The following ZNF701 variants were observed in gnomAD, a reference collection of about 807,000 sequenced individuals.
ZNF701 encodes zinc finger protein 701.
A neutral mutation model predicts 7.1 loss-of-function variants in ZNF701; 6 were observed. The ratio of observed to expected loss-of-function variants is 0.84; its 90% confidence interval spans 0.46 to 1.66. ZNF701 has a LOEUF of 1.66. ZNF701 is among the 40% of genes most tolerant of loss of function. ZNF701 has a pLI of 0.01. For synonymous variants in ZNF701, 166 were observed against 188.2 expected (o/e 0.88, Z 0.97); for missense variants, 541 against 559.2 (o/e 0.97, Z 0.33).
chr19:52,582,687 A>C lies in ZNF701; in HGVS notation c.628A>C (p.Thr210Pro), dbSNP rs1221501274. 7 of 1,614,198 alleles carry C rather than the reference A, an allele frequency of 4.3e-6. No homozygotes were observed. The highest frequency in any genetic ancestry group is 5.1e-6 in the Non-Finnish European group (6 of 1,180,020). The change falls in exon 4 of 4, where the codon ACA (threonine) becomes CCA (proline). Residue 210 changes from threonine (T) to proline (P), a missense_variant. Coordinates refer to ENST00000391785, the MANE Select transcript of ZNF701 (RefSeq NM_018260.3). The stretch of plus-strand genomic sequence containing the variant: ...ACTCACACAAAAACGGGAAGTACAC[A>C]CAAGAGAAAAATCTTTCCAACGTAA... ...SLLTQKREVH[T>P]REKSFQRNES...
rs528194231 is a variant in ZNF701 at position 52,580,558 on chromosome 19, A to G, written c.143-1644A>G. ...ATTCTTATTCCTTATAGTGCTGTGTATAGTTTTGACCTCATACATCAGAAA... is the reference window on the plus strand; with the variant it reads ...ATTCTTATTCCTTATAGTGCTGTGTGTAGTTTTGACCTCATACATCAGAAA... On this transcript the variant is annotated intron_variant, in intron 3 of 3. Transcript: ENST00000391785. Among the ~76,000 whole-genome samples the G allele has an allele frequency of 2.0e-5, 3 of 152,214 alleles. No individual in the cohort carries two copies. The South Asian group carries it at 6.2e-4, about 32-fold the overall frequency.
At chr19:52,595,930 CAT>C in the ZNF701 span, 80 of 1,612,732 alleles carry the variant, frequency 5.0e-5, no homozygotes, top group African/African-American at 6.4e-4. Context: ...CTGAACTCCA[CAT>C]GTTTCAGACC....
chr19:52,570,649 C>T (rs1344225426), intron 1 of ZNF701: 1 of 152,274 alleles, frequency 6.6e-6, no homozygotes. Flanking sequence ...TGTATTTCCG[C>T]CTGGGCGCCT....
Position 52,583,320 on chromosome 19 carries a change from C to A in ZNF701, c.1261C>A (p.His421Asn). The change falls in exon 4 of 4, where the codon CAC becomes AAC. Residue 421 changes from histidine (H) to asparagine (N), a missense_variant. Coordinates refer to ENST00000391785, the MANE Select transcript of ZNF701 (RefSeq NM_018260.3). ...KCNECGKVFN[H>N]KSNLACHRRL... is the part of the protein sequence containing the mutation. Reference sequence around the variant, plus strand: ...TAATGAATGTGGCAAGGTTTTTAATCACAAATCAAACCTTGCATGTCATCG... The same window carrying A: ...TAATGAATGTGGCAAGGTTTTTAATAACAAATCAAACCTTGCATGTCATCG... 6.2e-7 allele frequency: 1 copy of A among 1,604,930 alleles called. No individual in the cohort carries two copies. Among genetic ancestry groups the A allele is most frequent in the African/African-American group, 1.3e-5 (1 of 74,962 alleles).
rs943867502 is a variant in ZNF701 at position 52,584,953 on chromosome 19, T to C, written c.*1496T>C. 1 of 152,340 alleles carries C rather than the reference T, an allele frequency of 6.6e-6. No homozygotes were observed. Among genetic ancestry groups the C allele is most frequent in the African/African-American group, 2.4e-5 (1 of 41,476 alleles). 9.4% of individuals were successfully genotyped at this position (152,340 alleles called of 1,614,324 possible). ...AGACCCGGAAGCTGATGGCATGGAC[T>C]GAAGGTTGCCCCGTTGAGTTTGCGC... On this transcript the variant is annotated 3_prime_UTR_variant, in exon 4 of 4. Coordinates refer to ENST00000391785, the MANE Select transcript of ZNF701 (RefSeq NM_018260.3).
chr19:52,588,116 C>T (rs2060022310), downstream of ZNF701, among the ~76,000 whole-genome samples: 1 of 152,114 alleles, frequency 6.6e-6, no homozygotes, highest in Non-Finnish European at 1.5e-5. Flanking sequence ...CAGTGGGCAG[C>T]AGAGGACCAT....
intron 3 of ZNF701, 82 bp downstream of exon 3, chr19:52,576,103 TC>T (rs368936090): frequency 3.7e-6 from 6 of 1,602,098 alleles, no homozygotes; most frequent in Middle Eastern, 1.7e-4. Flanking sequence ...GGGAGCCACA[TC>T]CTTGCTTGGC....
At chr19:52,575,186 G>C (rs980805291) in intron 2 of ZNF701, among the ~76,000 whole-genome samples, 2 of 152,046 alleles carry the variant, frequency 1.3e-5, no homozygotes, top group East Asian at 3.9e-4. Flanking sequence ...AGCCAGGATG[G>C]TCTCGATCTC....
chr19:52,583,965 A>G lies in ZNF701; in HGVS notation c.*508A>G, dbSNP rs1365785303. 6 of 412,044 alleles carry G rather than the reference A, an allele frequency of 1.5e-5. No homozygotes were observed. Among genetic ancestry groups the G allele is most frequent in the Non-Finnish European group, 2.9e-5 (6 of 203,710 alleles). The allele number at this position is 412,044 out of a possible 1,614,324, so 25.5% of individuals were successfully genotyped here. ...ACAGGAGAGAAATCTTACAAATGTG[A>G]TGATTGTGGCAAGGTCTTCAGTCAA... On this transcript the variant is annotated 3_prime_UTR_variant, in exon 4 of 4. Coordinates refer to ENST00000391785, the MANE Select transcript of ZNF701 (RefSeq NM_018260.3).
the ZNF701 span, chr19:52,596,057 T>A: frequency 7.6e-7 from 1 of 1,313,192 alleles, no homozygotes; most frequent in Non-Finnish European, 1.1e-6. Context: ...TGGGAAGAAT[T>A]TCCTCTATTC....
Position 52,583,091 on chromosome 19 carries a change from T to C in ZNF701, c.1032T>C (p.His344=), listed in dbSNP as rs1297525652. Residue 344 remains histidine, a synonymous_variant, in exon 4 of 4, where the codon CAT becomes CAC. Transcript: ENST00000391785. ...GTCGCAAATCACACCTTGAAAGACA[T>C]AGGAGAATTCACACTGGAGAGAAAC... ...VFSRKSHLER[H]RRIHTGEKPY... is the part of the protein sequence containing the mutation. 2 of 1,612,984 alleles carry C rather than the reference T, an allele frequency of 1.2e-6. No individual in the cohort carries two copies. Among genetic ancestry groups the C allele is most frequent in the Non-Finnish European group, 1.7e-6 (2 of 1,179,418 alleles).
chr19:52,593,333 T>C, the ZNF701 span, among the ~76,000 whole-genome samples: 1 of 117,262 alleles, frequency 8.5e-6, no homozygotes, highest in Non-Finnish European at 1.9e-5. Context: ...GCAGAGGGGC[T>C]CCTCACTTCC....
In ZNF701 at chr19:52,576,112, G is replaced by T; in HGVS notation, c.142+91G>T. The T allele has an allele frequency of 7.5e-6, 12 of 1,597,606 alleles. No homozygotes were observed. In the Admixed American group the frequency reaches 2.2e-4, roughly 29 times the overall value. On this transcript the variant is annotated intron_variant, in intron 3 of 3. Transcript: ENST00000391785. ...CCTCTTGGGAGCCACATCCTTGCTT[G>T]GCTAAAATGGAAGCCGTATTGAGTT...
At position 52,570,309 on chromosome 19, in the gene ZNF701, G is replaced by C. The variant is rs919442453; in HGVS notation, c.-93G>C. On this transcript the variant is annotated 5_prime_UTR_variant, in exon 1 of 4. Transcript: ENST00000391785. ...CGCAGACCAGGAAGCGGATCCCGTG[G>C]AGTGAAGGTCGCACCGCGGCGGTGA... The C allele has an allele frequency of 6.5e-6, 1 of 154,180 alleles. No homozygotes were observed. Among genetic ancestry groups the C allele is most frequent in the African/African-American group, 2.4e-5 (1 of 41,482 alleles). The allele number at this position is 154,180 out of a possible 1,614,324, so 9.6% of individuals were successfully genotyped here.
the ZNF701 span, chr19:52,596,673 A>G: frequency 8.6e-6 from 4 of 467,582 alleles, no homozygotes; most frequent in Middle Eastern, 4.0e-4. Context: ...ACAACATCAG[A>G]GAGTTCATAC....
the ZNF701 span, among the ~76,000 whole-genome samples, chr19:52,595,315 G>A: frequency 5.5e-3 from 822 of 150,590 alleles, 8 homozygotes; most frequent in African/African-American, 0.017. Flanking sequence ...TGTCACCCAG[G>A]CTGGAGTGCA....
chr19:52,593,871 C>G, the ZNF701 span, among the ~76,000 whole-genome samples: 10 of 111,678 alleles, frequency 9.0e-5, 2 homozygotes, highest in African/African-American at 3.5e-4. Context: ...ACATCCCAGA[C>G]GATGGGCGGC....
At chr19:52,589,864 C>A (rs2060029915), downstream of ZNF701, among the ~76,000 whole-genome samples, 1 of 152,106 alleles carries the variant, frequency 6.6e-6, no homozygotes, top group Non-Finnish European at 1.5e-5. Context: ...GCAAACTCAG[C>A]TCACCTCCAG....
At position 52,584,212 on chromosome 19, in the gene ZNF701, T is replaced by C; in HGVS notation, c.*755T>C. 1 of 263,956 alleles carries C rather than the reference T, an allele frequency of 3.8e-6. No homozygotes were observed. Among genetic ancestry groups the C allele is most frequent in the African/African-American group, 2.2e-5 (1 of 44,658 alleles). The allele number at this position is 263,956 out of a possible 1,614,324, so 16.4% of individuals were successfully genotyped here. On this transcript the variant is annotated 3_prime_UTR_variant, in exon 4 of 4. Coordinates refer to ENST00000391785, the MANE Select transcript of ZNF701 (RefSeq NM_018260.3). ...TCATTTTTGAGGTAATAGTTACAAA[T>C]GCGGTGAGCACAGCAAACCATCAAG...
Sources: gnomAD v4.1 joint callset for allele counts (sites outside exome capture counted in the v4.1 genomes callset) on GRCh38, gnomAD v4.1.1 for gene constraint, MANE v1.5 for transcripts, NCBI Gene and HGNC (gene_info 2026-07-23, HGNC 2026-07-21) for gene names.